The following CNTNAP2 variants were observed in gnomAD, a reference collection of about 807,000 sequenced individuals.
CNTNAP2 encodes contactin-associated protein-like 2.
In CNTNAP2, 98 loss-of-function variants were observed where a neutral mutation model predicts 155.2. The ratio of observed to expected loss-of-function variants is 0.63; its 90% CI spans 0.54 to 0.75. The LOEUF (loss-of-function observed/expected upper bound fraction) is 0.75. Among genes scored for constraint, CNTNAP2 ranks in the 30% least tolerant of loss-of-function variants. CNTNAP2 has a pLI of 0.00. For synonymous variants in CNTNAP2, 651 were observed against 631.2 expected (o/e 1.03, Z -0.47); for missense variants, 1,727 against 1,688.1 (o/e 1.02, Z -0.40).
chr7:146,777,944 G>A lies in CNTNAP2; in HGVS notation c.208+3563G>A, dbSNP rs145435672. On this transcript the variant is annotated intron_variant, in intron 2 of 23. Transcript: ENST00000361727. ...ATAGCATGATGTTATATATCTGGAA[G>A]ATATAAAGAAGACAGACAATTCCAA... is the stretch of plus-strand genomic sequence containing the variant. 6.3e-4 allele frequency among the ~76,000 whole-genome samples: 95 copies of A among 151,888 alleles called. No homozygotes were observed. In the East Asian group the frequency reaches 0.018, roughly 28 times the overall value.
intron 13 of CNTNAP2, among the ~76,000 whole-genome samples, chr7:147,715,640 C>T (rs1796472002): frequency 6.6e-6 from 1 of 152,026 alleles, no homozygotes; most frequent in African/African-American, 2.4e-5. Flanking sequence ...TCCCAGTCTG[C>T]AATTTGTCTT....
In CNTNAP2 at chr7:147,991,920, C is replaced by T. The variant is rs563612264; in HGVS notation, c.2383+13931C>T. ...TTCCATAAAGCTTCTTTTCACACTC[C>T]TAACTATGTGCAGGTCTGGGAAACT... On this transcript the variant is annotated intron_variant, in intron 15 of 23. Transcript: ENST00000361727. Among the ~76,000 whole-genome samples the T allele has an allele frequency of 4.6e-5, 7 of 152,138 alleles. No homozygotes were observed. In the East Asian group the frequency reaches 1.4e-3, roughly 29 times the overall value.
intron 3 of CNTNAP2, among the ~76,000 whole-genome samples, chr7:146,911,174 G>A (rs142217348): frequency 0.028 from 4,335 of 152,176 alleles, 96 homozygotes; most frequent in Middle Eastern, 0.079. Context: ...TGGACATGAT[G>A]TGGAGAAATA....
intron 4 of CNTNAP2, among the ~76,000 whole-genome samples, chr7:147,057,000 G>A (rs1455122584): frequency 6.6e-6 from 1 of 150,532 alleles, no homozygotes; most frequent in East Asian, 2.0e-4. Context: ...TTGTTTGTTT[G>A]TTTTCCCCAC....
chr7:147,088,601 G>C (rs1041870798), intron 4 of CNTNAP2, among the ~76,000 whole-genome samples: 1 of 152,122 alleles, frequency 6.6e-6, no homozygotes, highest in Non-Finnish European at 1.5e-5. Flanking sequence ...TGTAACTAAA[G>C]GGCTGGTGAT....
intron 9 of CNTNAP2, among the ~76,000 whole-genome samples, chr7:147,347,763 T>A (rs1795902612): frequency 6.6e-6 from 1 of 151,906 alleles, no homozygotes; most frequent in South Asian, 2.1e-4. Context: ...AGGCTTTGCG[T>A]TACCTGACCT....
chr7:147,576,023 GT>G (rs995950354), intron 12 of CNTNAP2, among the ~76,000 whole-genome samples: 82 of 152,092 alleles, frequency 5.4e-4, no homozygotes, highest in Middle Eastern at 3.4e-3. Flanking sequence ...GCATAAGTGT[GT>G]CACTTTCACT....
chr7:146,911,816 A>G (rs1562998500), intron 3 of CNTNAP2, among the ~76,000 whole-genome samples: 1 of 152,076 alleles, frequency 6.6e-6, no homozygotes, highest in African/African-American at 2.4e-5. Context: ...TAATAAAAAA[A>G]ATAAATAATA....
intron 15 of CNTNAP2, among the ~76,000 whole-genome samples, chr7:148,083,346 G>A (rs910901951): frequency 1.6e-4 from 24 of 152,282 alleles, no homozygotes; most frequent in African/African-American, 5.1e-4. Context: ...AGAGTGGGGG[G>A]CAGTGGGTTT....
chr7:148,272,896 A>G (rs891813825), intron 21 of CNTNAP2, among the ~76,000 whole-genome samples: 1 of 152,230 alleles, frequency 6.6e-6, no homozygotes, highest in Non-Finnish European at 1.5e-5. Flanking sequence ...ATGTCTGATC[A>G]GAAAAAAATA....
intron 5 of CNTNAP2, among the ~76,000 whole-genome samples, chr7:147,118,319 T>C (rs1563082775): frequency 6.6e-6 from 1 of 152,188 alleles, no homozygotes; most frequent in East Asian, 1.9e-4. Context: ...AAAAAAGAAA[T>C]GACCACTAGG....
At chr7:148,302,813 C>CTT (rs59354674) in intron 21 of CNTNAP2, among the ~76,000 whole-genome samples, 5,123 of 86,862 alleles carry the variant, frequency 0.059, 412 homozygotes, top group African/African-American at 0.075. Context: ...CTCGATTATT[C>CTT]TTTTTTTTTT....
intron 3 of CNTNAP2, among the ~76,000 whole-genome samples, chr7:147,022,925 CATTG>C (rs1348515539): frequency 1.3e-5 from 2 of 152,074 alleles, no homozygotes; most frequent in African/African-American, 4.8e-5. Flanking sequence ...ATTTGGTGTT[CATTG>C]ACTCTATTCT....
chr7:147,667,712 T>C (rs1358876766), intron 13 of CNTNAP2, among the ~76,000 whole-genome samples: 1 of 151,972 alleles, frequency 6.6e-6, no homozygotes, highest in South Asian at 2.1e-4. Flanking sequence ...ACACCACCTC[T>C]TTGATTCAAC....
At chr7:146,796,541 A>G (rs1467098278) in intron 2 of CNTNAP2, among the ~76,000 whole-genome samples, 1 of 152,130 alleles carries the variant, frequency 6.6e-6, no homozygotes, top group East Asian at 1.9e-4. Context: ...GCTATTGTAG[A>G]TCAAGATATG....
At chr7:146,808,608 T>C (rs941143772) in intron 2 of CNTNAP2, among the ~76,000 whole-genome samples, 1 of 152,238 alleles carries the variant, frequency 6.6e-6, no homozygotes, top group African/African-American at 2.4e-5. Flanking sequence ...GCAAGGATTA[T>C]CAAAATCAAG....
intron 3 of CNTNAP2, among the ~76,000 whole-genome samples, chr7:146,868,189 T>C (rs755600792): frequency 3.3e-5 from 5 of 152,140 alleles, no homozygotes; most frequent in African/African-American, 4.8e-5. Flanking sequence ...CTTGAGTTGA[T>C]TTTTGTGTAT....
chr7:147,969,873 G>T (rs1456736073), intron 14 of CNTNAP2, among the ~76,000 whole-genome samples: 3 of 151,676 alleles, frequency 2.0e-5, no homozygotes, highest in East Asian at 1.9e-4. Flanking sequence ...ATTTTTTTAA[G>T]TTGTTTTAAA....
At chr7:148,321,601 T>C (rs572468795) in intron 21 of CNTNAP2, among the ~76,000 whole-genome samples, 3 of 152,354 alleles carry the variant, frequency 2.0e-5, no homozygotes, top group South Asian at 2.1e-4. Flanking sequence ...AAAAGCAGCG[T>C]TGAGCTGATG....
Sources: allele counts gnomAD v4.1 joint callset (sites outside exome capture counted in the v4.1 genomes callset), GRCh38; gene constraint gnomAD v4.1.1; transcripts MANE v1.5; gene names NCBI Gene and HGNC (gene_info 2026-07-23, HGNC 2026-07-21).